ZNF69: variants seen among roughly 807,000 people sequenced by gnomAD.
ZNF69 encodes the protein ZNF3.
In ZNF69, 47 loss-of-function variants were observed where a neutral mutation model predicts 50.9. The ratio of observed to expected loss-of-function variants is 0.92; its 90% CI spans 0.73 to 1.18. The LOEUF (loss-of-function observed/expected upper bound fraction) is 1.18, where lower values mean the gene tolerates loss of function less well. ZNF69 is among the 50% of genes most tolerant of loss of function. ZNF69 has a pLI of 0.00. For synonymous variants in ZNF69, 216 were observed against 223.1 expected (o/e 0.97, Z 0.29); for missense variants, 717 against 675.1 (o/e 1.06, Z -0.69).
the ZNF69 span, chr19:11,950,569 C>T: frequency 0.013 from 7,007 of 544,894 alleles, 427 homozygotes; most frequent in African/African-American, 0.12. Flanking sequence ...AGATGTGCCT[C>T]GCACCTTCAA....
the ZNF69 span, among the ~76,000 whole-genome samples, chr19:11,923,348 C>T: frequency 6.6e-6 from 1 of 152,210 alleles, no homozygotes; most frequent in Non-Finnish European, 1.5e-5. Context: ...CAAGTTTTCA[C>T]GTCCCGATTG....
the ZNF69 span, chr19:11,948,553 T>C: frequency 6.2e-7 from 1 of 1,609,612 alleles, no homozygotes; most frequent in Non-Finnish European, 8.5e-7. Flanking sequence ...AGCCTTCAGG[T>C]ATCGCCCATC....
At chr19:11,956,467 G>A in the ZNF69 span, 19 of 397,360 alleles carry the variant, frequency 4.8e-5, no homozygotes, top group Non-Finnish European at 7.1e-5. Context: ...AGATTTTGCC[G>A]GATTCTTCAA....
chr19:11,955,809 G>T, the ZNF69 span, among the ~76,000 whole-genome samples: 2 of 152,224 alleles, frequency 1.3e-5, no homozygotes, highest in Non-Finnish European at 2.9e-5. Context: ...TTCTCTTCCT[G>T]TTATCTGTGG....
the ZNF69 span, among the ~76,000 whole-genome samples, chr19:11,925,825 T>C: frequency 2.0e-5 from 3 of 152,006 alleles, no homozygotes; most frequent in Non-Finnish European, 4.4e-5. Context: ...AGGAGAGACC[T>C]TGGCCGAGGG....
At chr19:11,972,725 G>T in the ZNF69 span, among the ~76,000 whole-genome samples, 1 of 151,978 alleles carries the variant, frequency 6.6e-6, no homozygotes, top group Non-Finnish European at 1.5e-5. Flanking sequence ...GTGGTTGTTT[G>T]CCCAAAACGT....
At chr19:11,951,763 T>C in the ZNF69 span, among the ~76,000 whole-genome samples, 1 of 152,262 alleles carries the variant, frequency 6.6e-6, no homozygotes, top group Non-Finnish European at 1.5e-5. Context: ...TGTTTTCTTT[T>C]ATCACATTTA....
chr19:11,918,206 A>G (rs1268661655), downstream of ZNF69, among the ~76,000 whole-genome samples: 1 of 152,226 alleles, frequency 6.6e-6, no homozygotes, highest in Non-Finnish European at 1.5e-5. Context: ...ATTCAAATTT[A>G]CTAGGAAATG....
the ZNF69 span, chr19:11,977,179 A>G: frequency 2.4e-5 from 39 of 1,613,648 alleles, no homozygotes; most frequent in Admixed American, 6.5e-4. Context: ...GGATGACAAT[A>G]TTCCTTCCCT....
chr19:11,956,700 A>T, the ZNF69 span: 4 of 392,938 alleles, frequency 1.0e-5, no homozygotes, highest in Non-Finnish European at 1.8e-5. Context: ...TACTAAAAAT[A>T]CAAAAATTAG....
At chr19:11,955,345 G>A in the ZNF69 span, among the ~76,000 whole-genome samples, 1 of 150,316 alleles carries the variant, frequency 6.7e-6, no homozygotes, top group Non-Finnish European at 1.5e-5. Context: ...AGGCCGTGTA[G>A]TACATTTCTT....
chr19:11,978,498 G>C, the ZNF69 span: 1 of 1,614,196 alleles, frequency 6.2e-7, no homozygotes, highest in Non-Finnish European at 8.5e-7. Flanking sequence ...AAGACGCATG[G>C]TAATGCACAG....
the ZNF69 span, among the ~76,000 whole-genome samples, chr19:11,932,892 C>T: frequency 6.7e-6 from 1 of 148,432 alleles, no homozygotes; most frequent in Non-Finnish European, 1.5e-5. Context: ...CTGCCTCAGC[C>T]TCCCAAAGTG....
At chr19:11,940,588 AAGC>A in the ZNF69 span, among the ~76,000 whole-genome samples, 1 of 152,118 alleles carries the variant, frequency 6.6e-6, no homozygotes, top group South Asian at 2.1e-4. Context: ...CAGCTCATAA[AAGC>A]AGCGTGGACC....
the ZNF69 span, among the ~76,000 whole-genome samples, chr19:11,955,555 A>G: frequency 4.6e-5 from 7 of 152,062 alleles, no homozygotes; most frequent in Admixed American, 2.6e-4. Context: ...CACCATGCCC[A>G]AAGTGCTGGG....
At chr19:11,931,811 A>G in the ZNF69 span, among the ~76,000 whole-genome samples, 1 of 148,270 alleles carries the variant, frequency 6.7e-6, no homozygotes, top group Non-Finnish European at 1.5e-5. Flanking sequence ...TTGGACTTCA[A>G]GAAAATTAGT....
chr19:11,922,140 GAC>G, the ZNF69 span, among the ~76,000 whole-genome samples: 9 of 151,970 alleles, frequency 5.9e-5, no homozygotes, highest in East Asian at 1.7e-3. Context: ...AAAAAAAAGA[GAC>G]AGATTCTTTT....
chr19:11,968,534 A>C, the ZNF69 span, among the ~76,000 whole-genome samples: 1 of 152,196 alleles, frequency 6.6e-6, no homozygotes, highest in Non-Finnish European at 1.5e-5. Context: ...GAGCAAATGC[A>C]TGTGGATAAC....
chr19:11,925,157 C>T, the ZNF69 span: 1 of 1,603,042 alleles, frequency 6.2e-7, no homozygotes. Context: ...TCAGACCAGC[C>T]CGAGAGGGAC....
Sources: gnomAD v4.1 joint callset for allele counts (sites outside exome capture counted in the v4.1 genomes callset) on GRCh38, gnomAD v4.1.1 for gene constraint, MANE v1.5 for transcripts, NCBI Gene and HGNC (gene_info 2026-07-23, HGNC 2026-07-21) for gene names.